PFKFB2: variants seen among roughly 807,000 people sequenced by gnomAD.
PFKFB2 encodes 6-phosphofructo-2-kinase/fructose-2,6-biphosphatase 2.
PFKFB2 carries 53 observed loss-of-function variants against 68.0 expected under a neutral mutation model. The observed-to-expected ratio is 0.78, with a 90% confidence interval of 0.63 to 0.98. The LOEUF is 0.98. Among genes scored for constraint, PFKFB2 ranks in the 50% least tolerant of loss-of-function variants. The pLI is 0.00. For synonymous variants in PFKFB2, 222 were observed against 227.6 expected (o/e 0.98, Z 0.22); for missense variants, 451 against 642.0 (o/e 0.70, Z 3.22).
At chr1:207,061,191 ATATATATATATTTT>A (rs1683105110) in intron 2 of PFKFB2, among the ~76,000 whole-genome samples, 2 of 110,268 alleles carry the variant, frequency 1.8e-5, no homozygotes, top group African/African-American at 6.5e-5. Flanking sequence ...ATATATATAT[ATATATATATATTTT>A]AAGAGACAAG....
chr1:207,056,572 C>T lies in PFKFB2; in HGVS notation c.85+1770C>T, dbSNP rs1682928087. Among the ~76,000 whole-genome samples the T allele has an allele frequency of 1.3e-5, 2 of 151,856 alleles. 1 individual carries two copies. Among genetic ancestry groups the T allele is most frequent in the African/African-American group, 4.8e-5 (2 of 41,274 alleles). ...CTGCTTTCCTAACTCTTCTGTAGTTCCTTTGCCTTGAGGGCTTTCAAGTCA... is the reference window on the plus strand; with the variant it reads ...CTGCTTTCCTAACTCTTCTGTAGTTTCTTTGCCTTGAGGGCTTTCAAGTCA... On this transcript the variant is annotated intron_variant, in intron 2 of 14. Coordinates refer to ENST00000367080, the MANE Select transcript of PFKFB2 (RefSeq NM_006212.2).
rs1683521811 is a variant in PFKFB2 at position 207,073,268 on chromosome 1, G to C, written c.*897G>C. On this transcript the variant is annotated 3_prime_UTR_variant, in exon 15 of 15. Coordinates refer to ENST00000367080, the MANE Select transcript of PFKFB2 (RefSeq NM_006212.2). ...TGCAGAGTGGGGTTTAGGAGAGTAG[G>C]GTGGGCTCTAGCTCTTGCAGGGCTC... is the stretch of plus-strand genomic sequence containing the variant. The C allele has an allele frequency of 1.0e-6, 1 of 985,388 alleles. No homozygotes were observed. 61.0% of individuals were successfully genotyped at this position (985,388 alleles called of 1,614,324 possible).
chr1:207,056,408 A>G (rs1202147472), intron 2 of PFKFB2, among the ~76,000 whole-genome samples: 6 of 150,498 alleles, frequency 4.0e-5, no homozygotes. Flanking sequence ...AGGTACACTA[A>G]TGTTACTAGG....
chr1:207,051,081 C>T (rs1319292659), upstream of PFKFB2: 2 of 1,459,416 alleles, frequency 1.4e-6, no homozygotes, highest in South Asian at 2.7e-5. Context: ...GGTGCGGCTT[C>T]TGCCTTAGTA....
At chr1:207,071,835 G>A (rs1024442599) in intron 14 of PFKFB2, among the ~76,000 whole-genome samples, 3 of 152,136 alleles carry the variant, frequency 2.0e-5, no homozygotes, top group African/African-American at 7.2e-5. Flanking sequence ...GAAGTGAAAT[G>A]CAAATTACTA....
At position 207,067,111 on chromosome 1, in the gene PFKFB2, C is replaced by T. The variant is rs559592424; in HGVS notation, c.633-388C>T. Among the ~76,000 whole-genome samples, 9 of 152,296 alleles carry T rather than the reference C, an allele frequency of 5.9e-5. No individual in the cohort carries two copies. The East Asian group carries it at 1.4e-3, about 23-fold the overall frequency. On this transcript the variant is annotated intron_variant, in intron 8 of 14. Coordinates refer to ENST00000367080, the MANE Select transcript of PFKFB2 (RefSeq NM_006212.2). ...CTCTTCCCTTCCCCTCGTTGCTCGT[C>T]GTGCCATATTCTGGCCAGGTCTTAA...
In PFKFB2 at chr1:207,073,397, C is replaced by T. The variant is rs992421978; in HGVS notation, c.*1026C>T. The T allele has an allele frequency of 1.5e-5, 15 of 985,368 alleles. No homozygotes were observed. The highest frequency in any genetic ancestry group is 1.8e-5 in the Non-Finnish European group (15 of 829,898). The allele number at this position is 985,368 out of a possible 1,614,324, so 61.0% of individuals were successfully genotyped here. ...TATCCTCTGGGGCTGTTTAGAAGGG[C>T]AGTTAGATTCAGGAGTCACCACTGA... is the stretch of plus-strand genomic sequence containing the variant. On this transcript the variant is annotated 3_prime_UTR_variant, in exon 15 of 15. Transcript: ENST00000367080.
At chr1:207,042,358 C>G (rs1682493691) in intron 2 of PFKFB2, 3 of 151,852 alleles carry the variant, frequency 2.0e-5, no homozygotes, top group Non-Finnish European at 2.9e-5. Context: ...ACCATCCTGG[C>G]TAACGTGGTG....
At position 207,077,456 on chromosome 1, in the gene PFKFB2, A is replaced by G; in HGVS notation, c.*5085A>G. 1.0e-6 allele frequency: 1 copy of G among 985,270 alleles called. No individual in the cohort carries two copies. The highest frequency in any genetic ancestry group is 1.2e-6 in the Non-Finnish European group (1 of 829,828). 61.0% of individuals were successfully genotyped at this position (985,270 alleles called of 1,614,324 possible). Reference sequence around the variant, plus strand: ...CTTATGTACGTTTTTTATTATATTGACCTAACAAGAAGATCAACTTATGCT... The same window carrying G: ...CTTATGTACGTTTTTTATTATATTGGCCTAACAAGAAGATCAACTTATGCT... On this transcript the variant is annotated 3_prime_UTR_variant, in exon 15 of 15. Transcript: ENST00000367080.
At chr1:207,064,522 C>T (rs1186764261) in intron 7 of PFKFB2, among the ~76,000 whole-genome samples, 1 of 152,226 alleles carries the variant, frequency 6.6e-6, no homozygotes, top group Non-Finnish European at 1.5e-5. Flanking sequence ...CATTGAGCTC[C>T]TTATTCCCTG....
At chr1:207,054,654 C>T in intron 1 of PFKFB2, 47 bp from the exon 2 acceptor site, 1 of 1,330,896 alleles carries the variant, frequency 7.5e-7, no homozygotes, top group Non-Finnish European at 1.1e-6. Context: ...TAAGTTATGT[C>T]TTCTTTCTTC....
chr1:207,043,393 T>G (rs936044290), intron 2 of PFKFB2, among the ~76,000 whole-genome samples: 4 of 152,140 alleles, frequency 2.6e-5, no homozygotes, highest in Admixed American at 1.3e-4. Flanking sequence ...TTAAATAGTT[T>G]AGTTTAGTTA....
chr1:207,063,250 T>C lies in PFKFB2; in HGVS notation c.375+41T>C. 1 of 1,598,920 alleles carries C rather than the reference T, an allele frequency of 6.3e-7. No individual in the cohort carries two copies. Among genetic ancestry groups the C allele is most frequent in the Non-Finnish European group, 8.6e-7 (1 of 1,166,140 alleles). On this transcript the variant is annotated intron_variant, in intron 5 of 14. Transcript: ENST00000367080. This position sits in a 1 kb window ranked among gnomAD's most constrained non-coding sequence, Gnocchi z 4.1. The stretch of plus-strand genomic sequence containing the variant: ...TGCTTCTTCTTTCTGGTCCCCACCC[T>C]TGCAGCAGCCTGGCTACCCAGCCCC...
At chr1:207,037,881 ATAACT>A (rs1682408456) in intron 1 of PFKFB2, among the ~76,000 whole-genome samples, 1 of 152,252 alleles carries the variant, frequency 6.6e-6, no homozygotes, top group African/African-American at 2.4e-5. Context: ...ATAATAGCAC[ATAACT>A]TATAGAGTTA....
At chr1:207,062,470 T>C in intron 3 of PFKFB2, 150 bp from the exon 4 acceptor site, 3 of 1,258,076 alleles carry the variant, frequency 2.4e-6, no homozygotes, top group Non-Finnish European at 2.2e-6. Context: ...ACCCAACTCT[T>C]TTGACTCTTA....
Position 207,075,953 on chromosome 1 carries a change from A to ACATT in PFKFB2, c.*3583_*3586dup, listed in dbSNP as rs1230746202. The stretch of plus-strand genomic sequence containing the variant: ...TTGTTTTGGTAAAGGGATGATTTTT[A>ACATT]CATTGAGTTTTAAAGTAGAATAAGA... On this transcript the variant is annotated 3_prime_UTR_variant, in exon 15 of 15. Transcript: ENST00000367080. The ACATT allele has an allele frequency of 5.1e-6, 5 of 985,204 alleles. No homozygotes were observed. Among genetic ancestry groups the ACATT allele is most frequent in the Non-Finnish European group, 6.0e-6 (5 of 829,818 alleles). The allele number at this position is 985,204 out of a possible 1,614,324, so 61.0% of individuals were successfully genotyped here.
rs1683423176 is a variant in PFKFB2 at position 207,070,136 on chromosome 1, G to C, written c.1093-144G>C. On this transcript the variant is annotated intron_variant, in intron 11 of 14. Coordinates refer to ENST00000367080, the MANE Select transcript of PFKFB2 (RefSeq NM_006212.2). The surrounding 1 kb of genome is among the most constrained non-coding windows in gnomAD (Gnocchi z 4.2). ...GAGATACCAGGGCTGGGGGCAGTTA[G>C]CAGGTGATGTAAACTCACTGAGCCT... 1 of 823,558 alleles carries C rather than the reference G, an allele frequency of 1.2e-6. No individual in the cohort carries two copies. Among genetic ancestry groups the C allele is most frequent in the Middle Eastern group, 3.7e-4 (1 of 2,734 alleles). The allele number at this position is 823,558 out of a possible 1,614,324, so 51.0% of individuals were successfully genotyped here. A position where few individuals can be genotyped will look rare whatever the true frequency, so the allele number is the denominator to read the frequency against.
intron 1 of PFKFB2, among the ~76,000 whole-genome samples, chr1:207,039,658 G>A (rs745773200): frequency 2.0e-5 from 3 of 152,068 alleles, no homozygotes; most frequent in East Asian, 1.9e-4. Flanking sequence ...AAAACCCCAC[G>A]CTTTTATGGT....
intron 2 of PFKFB2, among the ~76,000 whole-genome samples, chr1:207,057,046 C>T (rs778002496): frequency 5.3e-5 from 8 of 152,024 alleles, no homozygotes; most frequent in Admixed American, 3.3e-4. Context: ...CCAAAACCTC[C>T]GAAGGAGCAT....
Sources: gnomAD v4.1 joint callset for allele counts (sites outside exome capture counted in the v4.1 genomes callset) on GRCh38, gnomAD v4.1.1 for gene constraint, Gnocchi (gnomAD v3.1) non-coding constraint, MANE v1.5 for transcripts, NCBI Gene and HGNC (gene_info 2026-07-23, HGNC 2026-07-21) for gene names.